DNAH8: variants seen among roughly 807,000 people sequenced by gnomAD.
DNAH8 encodes axonemal beta dynein heavy chain 8.
DNAH8 carries 382 observed loss-of-function variants against 562.1 expected under a neutral mutation model. The ratio of observed to expected loss-of-function variants is 0.68; its 90% CI spans 0.63 to 0.74. The LOEUF (loss-of-function observed/expected upper bound fraction) is 0.74. DNAH8 is among the 30% of genes least tolerant of loss of function. The pLI is 0.00. For missense variants in DNAH8, 5,203 were observed against 5,620.4 expected, an observed-to-expected ratio of 0.93 and a Z score of 2.37; for synonymous variants, 1,881 against 1,919.4, an observed-to-expected ratio of 0.98 and a Z score of 0.52.
chr6:38,802,386 G>C (rs568851523), intron 21 of DNAH8, among the ~76,000 whole-genome samples: 11 of 152,296 alleles, frequency 7.2e-5, no homozygotes, highest in African/African-American at 2.6e-4. Flanking sequence ...TGGGATTATA[G>C]GCACAAGACA....
At chr6:38,806,478 A>G (rs147937722) in intron 23 of DNAH8, among the ~76,000 whole-genome samples, 1 of 152,254 alleles carries the variant, frequency 6.6e-6, no homozygotes, top group Non-Finnish European at 1.5e-5. Context: ...CCCTCTCAGA[A>G]GTGCCTGTCT....
At chr6:39,013,908 T>C (rs183925235) in intron 91 of DNAH8, among the ~76,000 whole-genome samples, 185 of 152,034 alleles carry the variant, frequency 1.2e-3, no homozygotes, top group African/African-American at 4.1e-3. Context: ...AAGGGACTTC[T>C]GGGGCCCAGG....
chr6:38,924,241 G>T, intron 73 of DNAH8, 79 bp downstream of exon 73: 1 of 1,434,728 alleles, frequency 7.0e-7, no homozygotes, highest in East Asian at 2.3e-5. Flanking sequence ...GGCTGGGTGT[G>T]GTGGCTCACA....
chr6:38,929,537 T>C lies in DNAH8; in HGVS notation c.11145T>C (p.Phe3715=), dbSNP rs924937621. Residue 3715 remains phenylalanine, a synonymous_variant, in exon 75 of 93, where the codon TTT becomes TTC. Transcript: ENST00000327475. ...TGACATCTCTGAACCATAAATATTT[T>C]CGCACACACTTGGAGGACAGCCTTT... ...LQVTSLNHKY[F]RTHLEDSLSL... 1 of 1,612,618 alleles carries C rather than the reference T, an allele frequency of 6.2e-7. No homozygotes were observed. The highest frequency in any genetic ancestry group is 8.5e-7 in the Non-Finnish European group (1 of 1,179,224).
At chr6:38,902,098 T>G (rs1780117598) in intron 62 of DNAH8, among the ~76,000 whole-genome samples, 2 of 152,180 alleles carry the variant, frequency 1.3e-5, no homozygotes, top group African/African-American at 2.4e-5. Context: ...ATAGGTGGTG[T>G]TGCACTGATT....
chr6:38,848,729 C>G lies in DNAH8; in HGVS notation c.5127C>G (p.Leu1709=). ...STSSDIIEEW[L]VVQNLWVYLE... ...CCTCAGATATAATTGAAGAGTGGCT[C>G]GTAGTACAGAACCTTTGGGTTTATC... Residue 1709 remains leucine, a synonymous_variant, in exon 37 of 93, where the codon CTC becomes CTG. Transcript: ENST00000327475. The G allele has an allele frequency of 1.9e-6, 3 of 1,612,702 alleles. No homozygotes were observed. The highest frequency in any genetic ancestry group is 1.7e-6 in the Non-Finnish European group (2 of 1,179,106).
intron 1 of DNAH8, among the ~76,000 whole-genome samples, chr6:38,718,419 T>C (rs558976175): frequency 1.3e-5 from 2 of 152,176 alleles, no homozygotes; most frequent in African/African-American, 4.8e-5. Flanking sequence ...TTTTAGTATT[T>C]AGAGTTTGTT....
Position 38,845,781 on chromosome 6 carries a change from T to C in DNAH8, c.5045+8T>C, listed in dbSNP as rs1775250302. ...GTCTTTACTCAGCAACAGGTAATTT[T>C]ATAATTTGAGAGAGAGATTTAAATG... On this transcript the variant is annotated splice_region_variant and intron_variant, in intron 36 of 92. Transcript: ENST00000327475. 2 of 1,603,800 alleles carry C rather than the reference T, an allele frequency of 1.2e-6. No individual in the cohort carries two copies. Among genetic ancestry groups the C allele is most frequent in the Admixed American group, 3.3e-5 (2 of 59,900 alleles).
At position 38,889,312 on chromosome 6, in the gene DNAH8, A is replaced by T. The variant is rs183761626; in HGVS notation, c.8474-1340A>T. On this transcript the variant is annotated intron_variant, in intron 57 of 92. Transcript: ENST00000327475. The stretch of plus-strand genomic sequence containing the variant: ...AATTCCATTAAACTGAATTTCAAAA[A>T]TTTTTTTTTTTTACCAGTTCAGAAG... Among the ~76,000 whole-genome samples, 798 of 148,682 alleles carry T rather than the reference A, an allele frequency of 5.4e-3. 4 individuals are homozygous for T. Among genetic ancestry groups the T allele is most frequent in the African/African-American group, 7.7e-3 (314 of 40,768 alleles).
chr6:38,793,883 G>T (rs760545596), intron 21 of DNAH8, among the ~76,000 whole-genome samples: 2 of 152,168 alleles, frequency 1.3e-5, no homozygotes, highest in African/African-American at 2.4e-5. Context: ...CTCTTGCCCA[G>T]AGTGGCTTGT....
At chr6:38,984,414 CA>C in intron 87 of DNAH8, 107 bp downstream of exon 87, 1 of 708,046 alleles carries the variant, frequency 1.4e-6, no homozygotes, top group Non-Finnish European at 2.6e-6. Flanking sequence ...AGAGCTGCTG[CA>C]AAGAATTAGC....
chr6:38,719,572 T>C (rs1762592831), intron 1 of DNAH8, among the ~76,000 whole-genome samples: 2 of 152,334 alleles, frequency 1.3e-5, no homozygotes, highest in African/African-American at 2.4e-5. Flanking sequence ...GTTTTTTTTA[T>C]GGCTGCATAG....
intron 88 of DNAH8, among the ~76,000 whole-genome samples, chr6:38,999,151 T>C (rs1417522500): frequency 1.3e-5 from 2 of 152,174 alleles, no homozygotes; most frequent in African/African-American, 4.8e-5. Context: ...CGTGTTCAGA[T>C]CATCTCATAA....
At chr6:38,937,264 T>C (rs561963296) in intron 77 of DNAH8, among the ~76,000 whole-genome samples, 144 of 151,926 alleles carry the variant, frequency 9.5e-4, no homozygotes, top group African/African-American at 3.0e-3. Flanking sequence ...AAATGACAAG[T>C]TGATGGGTGC....
In DNAH8 at chr6:38,832,302, A is replaced by C; in HGVS notation, c.4189-20A>C. 2 of 1,489,946 alleles carry C rather than the reference A, an allele frequency of 1.3e-6. No individual in the cohort carries two copies. The highest frequency in any genetic ancestry group is 1.9e-6 in the Non-Finnish European group (2 of 1,070,818). 92.3% of individuals were successfully genotyped at this position (1,489,946 alleles called of 1,614,324 possible). ...ATATGTTACTTTCACTCTCAGGTTG[A>C]ATATTCTTTTTTATTGTAGGTTTCA... On this transcript the variant is annotated intron_variant, in intron 30 of 92. Transcript: ENST00000327475.
chr6:38,984,077 T>C, intron 86 of DNAH8, 129 bp from the exon 87 acceptor site: 2 of 579,210 alleles, frequency 3.5e-6, no homozygotes, highest in Non-Finnish European at 6.2e-6. Flanking sequence ...TATAAGACGA[T>C]GAATAATTTT....
intron 30 of DNAH8, among the ~76,000 whole-genome samples, 156 bp downstream of exon 30, chr6:38,828,444 A>T (rs1422657308): frequency 6.6e-6 from 1 of 152,144 alleles, no homozygotes; most frequent in Admixed American, 6.5e-5. Context: ...ATCTCATAAG[A>T]TTATAATACT....
chr6:38,920,606 A>C (rs1159501945), intron 70 of DNAH8, among the ~76,000 whole-genome samples: 2 of 152,210 alleles, frequency 1.3e-5, no homozygotes, highest in African/African-American at 4.8e-5. Flanking sequence ...TTATCACAAC[A>C]TTATTTGTAA....
chr6:38,827,502 A>T (rs1384494614), intron 29 of DNAH8, among the ~76,000 whole-genome samples: 2 of 151,942 alleles, frequency 1.3e-5, no homozygotes, highest in Non-Finnish European at 2.9e-5. Flanking sequence ...ATATCTGGGG[A>T]ATTGACACCA....
Sources: gnomAD v4.1 joint callset for allele counts (sites outside exome capture counted in the v4.1 genomes callset) on GRCh38, gnomAD v4.1.1 for gene constraint, MANE v1.5 for transcripts, NCBI Gene and HGNC (gene_info 2026-07-23, HGNC 2026-07-21) for gene names.